Variants in ATP8A2 observed in about 807,000 individuals in gnomAD.
The protein encoded by ATP8A2 is phospholipid-transporting ATPase IB.
ATP8A2 carries 100 observed loss-of-function variants against 165.6 expected under a neutral mutation model. The ratio of observed to expected loss-of-function variants is 0.60; its 90% CI spans 0.51 to 0.71. The LOEUF is 0.71. Ranked by LOEUF, ATP8A2 falls within the 30% of genes least tolerant of loss-of-function variation. The pLI, the probability that ATP8A2 is intolerant of heterozygous loss-of-function variation, is 0.00. For missense variants in ATP8A2, 1,227 were observed against 1,479.5 expected (o/e 0.83, Z 2.80); for synonymous variants, 543 against 548.8 (o/e 0.99, Z 0.15).
At chr13:25,621,496 C>T (rs1045666017) in intron 24 of ATP8A2, among the ~76,000 whole-genome samples, 4 of 152,152 alleles carry the variant, frequency 2.6e-5, no homozygotes. Context: ...TTCTTCCCAA[C>T]CAGAGGTGTT....
In ATP8A2 at chr13:25,862,362, C is replaced by T. The variant is rs778953351; in HGVS notation, c.3137C>T (p.Ser1046Leu). ...TGGCTGGTGTTTTTTGGCATCTACT[C>T]GACCATCTGGCCCACCATTCCCATT... ...LTWLVFFGIY[S>L]TIWPTIPIAP... Residue 1046 changes from serine to leucine, a missense_variant, in exon 33 of 37, where the codon TCG becomes TTG. Physicochemically the swap from Ser to Leu is moderately radical, Grantham distance 145. Coordinates refer to ENST00000381655, the MANE Select transcript of ATP8A2 (RefSeq NM_016529.6). 5 of 1,613,938 alleles carry T rather than the reference C, an allele frequency of 3.1e-6. No individual in the cohort carries two copies. Among genetic ancestry groups the T allele is most frequent in the Admixed American group, 1.7e-5 (1 of 59,992 alleles).
chr13:25,697,586 A>C (rs557056823), intron 24 of ATP8A2, among the ~76,000 whole-genome samples: 1 of 152,196 alleles, frequency 6.6e-6, no homozygotes, highest in Non-Finnish European at 1.5e-5. Context: ...TGGCCCAGAT[A>C]GGGGAAATTC....
chr13:25,446,324 C>T (rs1342587280), intron 1 of ATP8A2, among the ~76,000 whole-genome samples: 2 of 152,150 alleles, frequency 1.3e-5, no homozygotes, highest in African/African-American at 4.8e-5. Flanking sequence ...TATCTTTCAC[C>T]TAGCCCCCTC....
At chr13:25,383,633 T>C (rs1238143455) in intron 1 of ATP8A2, among the ~76,000 whole-genome samples, 1 of 152,206 alleles carries the variant, frequency 6.6e-6, no homozygotes, top group East Asian at 1.9e-4. Flanking sequence ...CGTTTCAAGG[T>C]ATTTTGATAG....
chr13:25,600,790 T>C (rs1428105636), intron 24 of ATP8A2, among the ~76,000 whole-genome samples: 1 of 152,208 alleles, frequency 6.6e-6, no homozygotes, highest in Non-Finnish European at 1.5e-5. Flanking sequence ...CTAAGAAATA[T>C]GGCTTTAAGC....
rs2042925620 is a variant in ATP8A2, at chr13:25,700,352, C to G, written c.2384+1007C>G. 2.0e-5 allele frequency among the ~76,000 whole-genome samples: 3 copies of G among 152,134 alleles called. No homozygotes were observed. In the South Asian group the frequency reaches 6.2e-4, roughly 32 times the overall value. On this transcript the variant is annotated intron_variant, in intron 25 of 36. Coordinates refer to ENST00000381655, the MANE Select transcript of ATP8A2 (RefSeq NM_016529.6). Reference sequence around the variant, plus strand: ...ATTCACAAAATTATGTAACCATCATCACAACCAATTTTAGAATATTTTCAT... The same window carrying G: ...ATTCACAAAATTATGTAACCATCATGACAACCAATTTTAGAATATTTTCAT...
intron 24 of ATP8A2, among the ~76,000 whole-genome samples, chr13:25,603,895 G>A (rs796735174): frequency 4.6e-5 from 7 of 152,214 alleles, no homozygotes; most frequent in African/African-American, 1.7e-4. Flanking sequence ...TTGAATATGT[G>A]TGTTTGGGAA....
chr13:25,534,290 C>T (rs78024439), intron 6 of ATP8A2: 16 of 500,094 alleles, frequency 3.2e-5, no homozygotes, highest in South Asian at 9.0e-5. Context: ...ATCAACCTCA[C>T]GTTTGGAAAG....
intron 1 of ATP8A2, among the ~76,000 whole-genome samples, chr13:25,405,613 C>T (rs561702424): frequency 6.6e-6 from 1 of 152,314 alleles, no homozygotes; most frequent in East Asian, 1.9e-4. Flanking sequence ...ACTGCCCAAA[C>T]TTGTAACCTG....
rs367684803 is a variant in ATP8A2, at chr13:25,834,277, G to A, written c.2755-2886G>A. On this transcript the variant is annotated intron_variant, in intron 28 of 36. Coordinates refer to ENST00000381655, the MANE Select transcript of ATP8A2 (RefSeq NM_016529.6). ...CAATGTAACAACCATTGCTGATAGG[G>A]AAATAGCGAAAAATCTATGATTTTC... is the stretch of plus-strand genomic sequence containing the variant. Among the ~76,000 whole-genome samples the A allele has an allele frequency of 1.3e-4, 20 of 152,276 alleles. 1 individual carries two copies. In the South Asian group the frequency reaches 3.3e-3, roughly 25 times the overall value.
chr13:25,600,458 G>T (rs940861400), intron 24 of ATP8A2, among the ~76,000 whole-genome samples: 2 of 152,226 alleles, frequency 1.3e-5, no homozygotes, highest in South Asian at 4.1e-4. Flanking sequence ...TGAATTTCAA[G>T]TGTAAAGATT....
chr13:25,373,927 G>A (rs1352403242), intron 1 of ATP8A2, among the ~76,000 whole-genome samples: 1 of 152,192 alleles, frequency 6.6e-6, no homozygotes, highest in African/African-American at 2.4e-5. Flanking sequence ...ACAAGAGTCA[G>A]CACTTGCTTG....
chr13:25,789,713 A>G lies in ATP8A2; in HGVS notation c.2679+14754A>G, dbSNP rs372947022. On this transcript the variant is annotated intron_variant, in intron 27 of 36. Coordinates refer to ENST00000381655, the MANE Select transcript of ATP8A2 (RefSeq NM_016529.6). ...AACGACAAGTGACATTCTTCATAGT[A>G]CTAGAAAAAACTTTTAAAATTCATA... 5.9e-5 allele frequency among the ~76,000 whole-genome samples: 9 copies of G among 152,324 alleles called. 1 individual carries two copies. In the South Asian group the frequency reaches 1.9e-3, roughly 32 times the overall value.
intron 2 of ATP8A2, among the ~76,000 whole-genome samples, chr13:25,509,175 A>G (rs993184378): frequency 6.6e-6 from 1 of 152,222 alleles, no homozygotes; most frequent in Non-Finnish European, 1.5e-5. Flanking sequence ...TGCTTGAAGT[A>G]TGTGAGTCAT....
chr13:25,529,825 G>A (rs147614168), intron 2 of ATP8A2, among the ~76,000 whole-genome samples, 174 bp from the exon 3 acceptor site: 32 of 152,228 alleles, frequency 2.1e-4, no homozygotes, highest in Non-Finnish European at 4.0e-4. Context: ...CATCAGGGGC[G>A]CCATTTTACA....
At chr13:25,889,270 A>ATATG (rs1435646827) in intron 33 of ATP8A2, among the ~76,000 whole-genome samples, 1 of 146,346 alleles carries the variant, frequency 6.8e-6, no homozygotes, top group Non-Finnish European at 1.5e-5. Context: ...ATATATATAT[A>ATATG]TATAAAATTT....
At chr13:25,730,673 G>T (rs1321928027) in intron 25 of ATP8A2, among the ~76,000 whole-genome samples, 1 of 152,098 alleles carries the variant, frequency 6.6e-6, no homozygotes, top group Non-Finnish European at 1.5e-5. Flanking sequence ...TTGCCATAAA[G>T]AAGGCCAAAT....
In ATP8A2 at chr13:25,961,429, G is replaced by A. The variant is rs148819355; in HGVS notation, c.3184-146G>A. 3.1e-3 allele frequency: 1,945 copies of A among 625,418 alleles called. 11 individuals are homozygous for A. The highest frequency in any genetic ancestry group is 4.5e-3 in the Non-Finnish European group (1,578 of 349,124). 38.7% of individuals were successfully genotyped at this position (625,418 alleles called of 1,614,324 possible). On this transcript the variant is annotated intron_variant, in intron 33 of 36. Coordinates refer to ENST00000381655, the MANE Select transcript of ATP8A2 (RefSeq NM_016529.6). ...AGCAAGCCCCATCCGTCCCCCTGAT[G>A]GTCCTGCCAGTGCATGGGTTACCTC...
At chr13:25,976,533 G>C (rs1956041990) in intron 35 of ATP8A2, among the ~76,000 whole-genome samples, 1 of 151,966 alleles carries the variant, frequency 6.6e-6, no homozygotes, top group Non-Finnish European at 1.5e-5. Context: ...AGAGAGACCA[G>C]GAGGGGTGCT....
Sources: gnomAD v4.1 joint callset for allele counts (sites outside exome capture counted in the v4.1 genomes callset) on GRCh38, gnomAD v4.1.1 for gene constraint, MANE v1.5 for transcripts, NCBI Gene and HGNC (gene_info 2026-07-23, HGNC 2026-07-21) for gene names.